The following SHANK2 variants were observed in gnomAD, a reference collection of about 807,000 sequenced individuals.
SHANK2 encodes SH3 and multiple ankyrin repeat domains 2, also known as SH3 and multiple ankyrin repeat domains protein 2.
Under a neutral mutation model 133.7 loss-of-function variants are expected in SHANK2, and 43 were observed. The ratio of observed to expected loss-of-function variants is 0.32; its 90% CI spans 0.25 to 0.41. The LOEUF is 0.41. Among genes scored for constraint, SHANK2 ranks in the 10% least tolerant of loss-of-function variants. SHANK2 has a pLI of 1.00. For missense variants in SHANK2, 1,994 were observed against 2,235.8 expected (o/e 0.89, Z 2.18); for synonymous variants, 1,017 against 952.8 (o/e 1.07, Z -1.24).
intron 10 of SHANK2, among the ~76,000 whole-genome samples, chr11:70,905,804 T>A (rs952294023): frequency 6.3e-5 from 9 of 143,494 alleles, no homozygotes; most frequent in African/African-American, 2.4e-4. Context: ...CCAGTTTATG[T>A]TTTTTTTTTT....
intron 17 of SHANK2, among the ~76,000 whole-genome samples, chr11:70,519,629 A>G (rs1408519422): frequency 6.6e-6 from 1 of 152,210 alleles, no homozygotes; most frequent in Admixed American, 6.5e-5. Flanking sequence ...CCTGGGCAAC[A>G]AGAGTGAAAC....
intron 2 of SHANK2, among the ~76,000 whole-genome samples, chr11:71,193,407 C>T (rs1433816866): frequency 2.6e-5 from 4 of 152,192 alleles, no homozygotes; most frequent in African/African-American, 9.7e-5. Flanking sequence ...TTCCTGGGCT[C>T]CACTACGATC....
At chr11:70,564,620 T>C (rs909274248) in intron 17 of SHANK2, among the ~76,000 whole-genome samples, 1 of 152,100 alleles carries the variant, frequency 6.6e-6, no homozygotes, top group Non-Finnish European at 1.5e-5. Flanking sequence ...TCTACTTACA[T>C]GTATATTGGG....
In SHANK2 at chr11:70,915,958, A is replaced by G. The variant is rs138987926; in HGVS notation, c.1108-19391T>C. ...CGCAGGCCTGGCTGTCAGCAGACAC[A>G]GACATGGGTTTCTGGACACTACACC... On this transcript the variant is annotated intron_variant, in intron 10 of 25. Transcript: ENST00000601538. Among the ~76,000 whole-genome samples, 115 of 152,294 alleles carry G rather than the reference A, an allele frequency of 7.6e-4. 1 individual carries two copies. The highest frequency in any genetic ancestry group is 2.7e-3 in the African/African-American group (114 of 41,568).
In SHANK2 at chr11:71,180,894, G is replaced by A. The variant is rs1035257602; in HGVS notation, c.-12-33556C>T. ...GTCCCTCCCCTCCACCAACGCCCAC[G>A]AGGCACAGCCCCGTCCGGCTGTCTA... On this transcript the variant is annotated intron_variant, in intron 2 of 25. Transcript: ENST00000601538. 6.6e-5 allele frequency among the ~76,000 whole-genome samples: 10 copies of A among 152,124 alleles called. No homozygotes were observed. In the East Asian group the frequency reaches 7.8e-4, roughly 12 times the overall value.
Position 70,500,669 on chromosome 11 carries a change from T to C in SHANK2, c.2288-79A>G. ...CAGCCTACACTCGGGCCTTGTCAGCTCAGGGCGCCTCAGGAGCAGGCTGGG... is the reference window on the plus strand; with the variant it reads ...CAGCCTACACTCGGGCCTTGTCAGCCCAGGGCGCCTCAGGAGCAGGCTGGG... On this transcript the variant is annotated intron_variant, in intron 20 of 25. Coordinates refer to ENST00000601538, the MANE Select transcript of SHANK2 (RefSeq NM_012309.5). The surrounding 1 kb of genome is among the most constrained non-coding windows in gnomAD (Gnocchi z 4.5). The C allele has an allele frequency of 6.5e-7, 1 of 1,549,288 alleles. No individual in the cohort carries two copies. Among genetic ancestry groups the C allele is most frequent in the Non-Finnish European group, 8.8e-7 (1 of 1,142,802 alleles).
intron 5 of SHANK2, among the ~76,000 whole-genome samples, chr11:71,111,948 A>G (rs976542461): frequency 2.6e-5 from 4 of 152,202 alleles, no homozygotes; most frequent in Admixed American, 2.0e-4. Flanking sequence ...AAGAGCCCAG[A>G]GCATCTTGTG....
chr11:70,851,381 G>C (rs1949084315), intron 11 of SHANK2, among the ~76,000 whole-genome samples: 2 of 152,308 alleles, frequency 1.3e-5, no homozygotes, highest in South Asian at 4.2e-4. Context: ...ACTTAAGAAG[G>C]GAGCTGTGTG....
chr11:70,737,400 C>T (rs1377461768), intron 14 of SHANK2, among the ~76,000 whole-genome samples: 1 of 152,196 alleles, frequency 6.6e-6, no homozygotes, highest in Non-Finnish European at 1.5e-5. Context: ...GCTCTGTGCC[C>T]TCTGCACCTG....
chr11:70,508,310 T>C (rs2059159452), intron 17 of SHANK2, among the ~76,000 whole-genome samples: 1 of 152,196 alleles, frequency 6.6e-6, no homozygotes, highest in African/African-American at 2.4e-5. Context: ...CCCGACAGAA[T>C]GCTCAGCACC....
At chr11:70,624,187 G>A (rs1251383438) in intron 17 of SHANK2, among the ~76,000 whole-genome samples, 1 of 152,034 alleles carries the variant, frequency 6.6e-6, no homozygotes, top group Non-Finnish European at 1.5e-5. Context: ...CAGGACTAAC[G>A]GACACCATGC....
At chr11:70,862,619 A>ATGGAC (rs1331006140) in intron 11 of SHANK2, among the ~76,000 whole-genome samples, 2 of 150,840 alleles carry the variant, frequency 1.3e-5, no homozygotes, top group African/African-American at 2.5e-5. Flanking sequence ...GGACTGGCTG[A>ATGGAC]TGGACTGGAC....
At chr11:70,728,930 C>T (rs547644151) in intron 14 of SHANK2, among the ~76,000 whole-genome samples, 14 of 152,070 alleles carry the variant, frequency 9.2e-5, no homozygotes, top group Non-Finnish European at 1.5e-4. Context: ...AAGGGCCGGG[C>T]GTGGTGGCTC....
chr11:70,841,996 C>T (rs1555061867), intron 11 of SHANK2, among the ~76,000 whole-genome samples: 1 of 152,114 alleles, frequency 6.6e-6, no homozygotes, highest in African/African-American at 2.4e-5. Flanking sequence ...GACCTAACTG[C>T]CCTTCTCCCT....
At chr11:70,513,488 A>G (rs1054692412) in intron 17 of SHANK2, among the ~76,000 whole-genome samples, 4 of 152,250 alleles carry the variant, frequency 2.6e-5, no homozygotes, top group Non-Finnish European at 5.9e-5. Flanking sequence ...ATTAACACCC[A>G]TCAAAGGAAT....
chr11:70,886,568 T>A (rs1299968424), intron 11 of SHANK2, among the ~76,000 whole-genome samples: 6 of 152,174 alleles, frequency 3.9e-5, no homozygotes, highest in Non-Finnish European at 7.3e-5. Flanking sequence ...AAATGCCAGG[T>A]AAACTGAAAT....
At chr11:71,138,873 G>A (rs1290221093) in intron 3 of SHANK2, among the ~76,000 whole-genome samples, 1 of 152,004 alleles carries the variant, frequency 6.6e-6, no homozygotes. Context: ...ACAGACGAGA[G>A]GACATCCCCG....
At position 70,599,893 on chromosome 11, in the gene SHANK2, G is replaced by GAAAGAA. The variant is rs1565166148; in HGVS notation, c.2061+59929_2061+59934dup. Among the ~76,000 whole-genome samples, 922 of 92,510 alleles carry GAAAGAA rather than the reference G, an allele frequency of 1.0e-2. 47 individuals are homozygous for GAAAGAA. The highest frequency in any genetic ancestry group is 0.018 in the African/African-American group (412 of 23,084). 60.7% of individuals were successfully genotyped at this position (92,510 alleles called of 152,430 possible). A position where few individuals can be genotyped will look rare whatever the true frequency, so the allele number is the denominator to read the frequency against. Reference sequence around the variant, plus strand: ...AAAGAAAGAAAGAAAGAAAGAAAAAGAAAGAAAGAAAGAGAAAGAAAGAAA... The same window carrying GAAAGAA: ...AAAGAAAGAAAGAAAGAAAGAAAAAGAAAGAAAAAGAAAGAAAGAGAAAGAAAGAAA... On this transcript the variant is annotated intron_variant, in intron 17 of 25. Coordinates refer to ENST00000601538, the MANE Select transcript of SHANK2 (RefSeq NM_012309.5).
intron 1 of SHANK2, among the ~76,000 whole-genome samples, chr11:71,229,933 T>A (rs1555122755): frequency 6.6e-6 from 1 of 152,056 alleles, no homozygotes; most frequent in East Asian, 1.9e-4. Context: ...CTCAACATAG[T>A]CAGAAGGTCA....
Sources: gnomAD v4.1 joint callset for allele counts (sites outside exome capture counted in the v4.1 genomes callset) on GRCh38, gnomAD v4.1.1 for gene constraint, Gnocchi (gnomAD v3.1) non-coding constraint, MANE v1.5 for transcripts, NCBI Gene and HGNC (gene_info 2026-07-23, HGNC 2026-07-21) for gene names.